Variants in PIEZO2 observed in about 807,000 individuals in gnomAD.
PIEZO2 encodes piezo-type mechanosensitive ion channel component 2.
A neutral mutation model predicts 337.3 loss-of-function variants in PIEZO2; 172 were observed. That is an observed-to-expected ratio of 0.51 (90% CI 0.45 to 0.58). PIEZO2 has a LOEUF of 0.58. Ranked by LOEUF, PIEZO2 falls within the 20% of genes least tolerant of loss-of-function variation. The probability of loss-of-function intolerance (pLI) is 0.00; values close to 1 mark genes in which losing one functional copy is unlikely to be tolerated. For synonymous variants in PIEZO2, 1,251 were observed against 1,228.5 expected (o/e 1.02, Z -0.38); for missense variants, 3,028 against 3,391.3 (o/e 0.89, Z 2.66).
intron 2 of PIEZO2, among the ~76,000 whole-genome samples, chr18:11,030,295 T>G (rs2036683716): frequency 6.6e-6 from 1 of 152,224 alleles, no homozygotes; most frequent in Non-Finnish European, 1.5e-5. Context: ...TGTTTTGTAA[T>G]TTAAAAAATG....
intron 2 of PIEZO2, among the ~76,000 whole-genome samples, chr18:11,063,791 T>G (rs2038054161): frequency 6.6e-6 from 1 of 152,208 alleles, no homozygotes; most frequent in South Asian, 2.1e-4. Context: ...TGTACTTTCA[T>G]ATAATTCACA....
chr18:11,049,350 G>A (rs1359319316), intron 2 of PIEZO2, among the ~76,000 whole-genome samples: 2 of 152,226 alleles, frequency 1.3e-5, no homozygotes, highest in Non-Finnish European at 2.9e-5. Flanking sequence ...ATATTCTGGT[G>A]ACCAAGGGTC....
rs1342577512 is a variant in PIEZO2, at chr18:11,048,470, A to G, written c.160+17657T>C. On this transcript the variant is annotated intron_variant, in intron 2 of 55. Coordinates refer to ENST00000674853, the MANE Select transcript of PIEZO2 (RefSeq NM_001378183.1). This position sits in a 1 kb window ranked among gnomAD's most constrained non-coding sequence, Gnocchi z 4.5. ...TTGACTTCCCTGCTTAATGCTGAGGAAATACTAAAAGGCAGCTTAAAGCAC... is the reference window on the plus strand; with the variant it reads ...TTGACTTCCCTGCTTAATGCTGAGGGAATACTAAAAGGCAGCTTAAAGCAC... 6.6e-6 allele frequency among the ~76,000 whole-genome samples: 1 copy of G among 152,220 alleles called. No individual in the cohort carries two copies. The highest frequency in any genetic ancestry group is 1.5e-5 in the Non-Finnish European group (1 of 68,050).
At position 10,777,829 on chromosome 18, in the gene PIEZO2, A is replaced by G. The variant is rs943213617; in HGVS notation, c.2534+2496T>C. ...TAAAGTAAAATAATTTTACTGTTTA[A>G]GATAAATTATTATCTAGAACTCAAA... On this transcript the variant is annotated intron_variant, in intron 18 of 55. Transcript: ENST00000674853. Among the ~76,000 whole-genome samples, 7 of 152,332 alleles carry G rather than the reference A, an allele frequency of 4.6e-5. No homozygotes were observed. The East Asian group carries it at 1.4e-3, about 29-fold the overall frequency.
rs2041705414 is a variant in PIEZO2 at position 10,856,367 on chromosome 18, A to C, written c.703+634T>G. 6.6e-6 allele frequency among the ~76,000 whole-genome samples: 1 copy of C among 152,184 alleles called. No homozygotes were observed. The highest frequency in any genetic ancestry group is 1.5e-5 in the Non-Finnish European group (1 of 68,040). Reference sequence around the variant, plus strand: ...CCCCCATTTTTCCCACTATTAAAAAACAGCTAAGTTGCTGCATCTTTGCAG... The same window carrying C: ...CCCCCATTTTTCCCACTATTAAAAACCAGCTAAGTTGCTGCATCTTTGCAG... On this transcript the variant is annotated intron_variant, in intron 6 of 55. Coordinates refer to ENST00000674853, the MANE Select transcript of PIEZO2 (RefSeq NM_001378183.1). The surrounding 1 kb of genome is among the most constrained non-coding windows in gnomAD (Gnocchi z 4.7).
At position 10,878,317 on chromosome 18, in the gene PIEZO2, G is replaced by C. The variant is rs374115338; in HGVS notation, c.330-6902C>G. Among the ~76,000 whole-genome samples, 11 of 152,156 alleles carry C rather than the reference G, an allele frequency of 7.2e-5. No homozygotes were observed. In the East Asian group the frequency reaches 1.5e-3, roughly 21 times the overall value. On this transcript the variant is annotated intron_variant, in intron 4 of 55. Coordinates refer to ENST00000674853, the MANE Select transcript of PIEZO2 (RefSeq NM_001378183.1). The surrounding 1 kb of genome is among the most constrained non-coding windows in gnomAD (Gnocchi z 4.3). ...TCTTTTCTTTTTATCATGATAGTTT[G>C]TGCAAAGCACTGTTGAAGAATTAGA...
rs780961728 is a variant in PIEZO2 at position 10,675,298 on chromosome 18, A to C, written c.8082-10T>G. On this transcript the variant is annotated splice_polypyrimidine_tract_variant and intron_variant, in intron 53 of 55. Transcript: ENST00000674853. ...AATCTTTTCTATGGTCCTGTACATT[A>C]AGAAAAAAAAGATACAATTACGTTT... is the stretch of plus-strand genomic sequence containing the variant. The C allele has an allele frequency of 1.4e-6, 2 of 1,414,578 alleles. No individual in the cohort carries two copies. Among genetic ancestry groups the C allele is most frequent in the South Asian group, 2.9e-5 (2 of 69,924 alleles). The allele number at this position is 1,414,578 out of a possible 1,614,324, so 87.6% of individuals were successfully genotyped here. A position where few individuals can be genotyped will look rare whatever the true frequency, so the allele number is the denominator to read the frequency against.
rs2039519265 is a variant in PIEZO2 at position 11,104,970 on chromosome 18, T to G, written c.65-38748A>C. 6.6e-6 allele frequency among the ~76,000 whole-genome samples: 1 copy of G among 152,140 alleles called. No homozygotes were observed. Among genetic ancestry groups the G allele is most frequent in the Non-Finnish European group, 1.5e-5 (1 of 68,028 alleles). On this transcript the variant is annotated intron_variant, in intron 1 of 55. Coordinates refer to ENST00000674853, the MANE Select transcript of PIEZO2 (RefSeq NM_001378183.1). The surrounding 1 kb of genome is among the most constrained non-coding windows in gnomAD (Gnocchi z 4.6). The stretch of plus-strand genomic sequence containing the variant: ...GCCACAGCGTGTCCTCTCTGGGACT[T>G]TCGCTGGAGCTAATGGAAAAGAGAT...
Position 10,803,854 on chromosome 18 carries a change from A to G in PIEZO2, c.1200+21T>C, listed in dbSNP as rs2039906688. 5 of 1,535,820 alleles carry G rather than the reference A, an allele frequency of 3.3e-6. No homozygotes were observed. The African/African-American group carries it at 5.5e-5, about 17-fold the overall frequency. ...AAAACAGAAAAATTAGGGAACGGAA[A>G]TCCCTTTCATCATGGCTTACTTTTC... On this transcript the variant is annotated intron_variant, in intron 9 of 55. Coordinates refer to ENST00000674853, the MANE Select transcript of PIEZO2 (RefSeq NM_001378183.1).
chr18:11,141,025 C>A (rs759877189), intron 1 of PIEZO2, among the ~76,000 whole-genome samples: 2 of 152,106 alleles, frequency 1.3e-5, no homozygotes, highest in African/African-American at 2.4e-5. Context: ...AGTATGGCTG[C>A]GGCCCTGGGA....
At chr18:10,696,725 C>T (rs1436173359) in intron 45 of PIEZO2, among the ~76,000 whole-genome samples, 186 bp from the exon 46 acceptor site, 1 of 152,214 alleles carries the variant, frequency 6.6e-6, no homozygotes, top group East Asian at 1.9e-4. Context: ...AGCGTATACA[C>T]ATTTACTGCC....
At chr18:10,966,013 G>C (rs915813871) in intron 3 of PIEZO2, among the ~76,000 whole-genome samples, 1 of 152,176 alleles carries the variant, frequency 6.6e-6, no homozygotes, top group Non-Finnish European at 1.5e-5. Flanking sequence ...TAAAGAAATG[G>C]ATGCAATAAC....
At position 10,871,274 on chromosome 18, in the gene PIEZO2, C is replaced by T. The variant is rs748704403; in HGVS notation, c.471G>A (p.Pro157=). The T allele has an allele frequency of 4.5e-5, 69 of 1,536,172 alleles. No homozygotes were observed. The highest frequency in any genetic ancestry group is 5.6e-5 in the Non-Finnish European group (64 of 1,146,638). ...TTACCAATTCTTCATTTTCAAACTC[C>T]GGGTTACTCTGTGCTGCTTCGTCTG... The part of the protein sequence containing the change: ...PVTDEAAQSN[P]EFENEELAEG... Residue 157 remains proline (P), a synonymous_variant, in exon 5 of 56, where the codon CCG becomes CCA. Transcript: ENST00000674853.
intron 5 of PIEZO2, among the ~76,000 whole-genome samples, chr18:10,867,027 T>TGA (rs902944774): frequency 5.9e-5 from 9 of 152,204 alleles, no homozygotes; most frequent in Non-Finnish European, 1.2e-4. Flanking sequence ...AGAGTGGCAG[T>TGA]GACAGCCTTT....
At chr18:10,922,231 C>T (rs1307461622) in intron 3 of PIEZO2, among the ~76,000 whole-genome samples, 2 of 152,074 alleles carry the variant, frequency 1.3e-5, no homozygotes, top group Non-Finnish European at 2.9e-5. Context: ...TGATGTCTCC[C>T]CTGGATGCCC....
chr18:10,686,477 T>C (rs1269750705), intron 49 of PIEZO2, among the ~76,000 whole-genome samples: 2 of 152,134 alleles, frequency 1.3e-5, no homozygotes, highest in Admixed American at 6.5e-5. Flanking sequence ...CAGGACAGCA[T>C]AGGGAGGCAC....
chr18:10,823,293 C>A (rs1023319134), intron 7 of PIEZO2, among the ~76,000 whole-genome samples: 1 of 152,194 alleles, frequency 6.6e-6, no homozygotes. Flanking sequence ...AGGAAATTTT[C>A]TCTTACTTTC....
At chr18:11,088,760 C>T (rs1024714548) in intron 1 of PIEZO2, among the ~76,000 whole-genome samples, 3 of 152,150 alleles carry the variant, frequency 2.0e-5, no homozygotes, top group African/African-American at 7.2e-5. Flanking sequence ...CCATCAACCC[C>T]CATTGGCTAA....
chr18:11,064,500 T>C (rs929168305), intron 2 of PIEZO2, among the ~76,000 whole-genome samples: 16 of 152,216 alleles, frequency 1.1e-4, no homozygotes, highest in African/African-American at 3.6e-4. Flanking sequence ...TATTTCTTTA[T>C]GCAGAGAGGA....
Sources: allele counts gnomAD v4.1 joint callset (sites outside exome capture counted in the v4.1 genomes callset), GRCh38; gene constraint gnomAD v4.1.1; non-coding constraint Gnocchi (gnomAD v3.1); transcripts MANE v1.5; gene names NCBI Gene and HGNC (gene_info 2026-07-23, HGNC 2026-07-21).